The following TNFRSF19 variants were observed in gnomAD, a reference collection of about 807,000 sequenced individuals.
The protein encoded by TNFRSF19 is TNF receptor superfamily member 19.
TNFRSF19 carries 27 observed loss-of-function variants against 46.4 expected under a neutral mutation model. The ratio of observed to expected loss-of-function variants is 0.58; its 90% CI spans 0.43 to 0.80. The LOEUF is 0.80. Among genes scored for constraint, TNFRSF19 ranks in the 30% least tolerant of loss-of-function variants. The pLI is 0.00. For missense variants in TNFRSF19, 511 were observed against 530.8 expected, an observed-to-expected ratio of 0.96 and a Z score of 0.37; for synonymous variants, 204 against 205.0, an observed-to-expected ratio of 1.00 and a Z score of 0.04.
intron 3 of TNFRSF19, among the ~76,000 whole-genome samples, chr13:23,614,717 C>T (rs1881140472): frequency 7.0e-6 from 1 of 141,988 alleles, no homozygotes; most frequent in African/African-American, 2.6e-5. Context: ...GTGTGTAGTC[C>T]TTCAGCCGCT....
chr13:23,592,562 A>AT (rs1172605780), intron 2 of TNFRSF19, among the ~76,000 whole-genome samples: 2 of 152,228 alleles, frequency 1.3e-5, no homozygotes, highest in East Asian at 3.8e-4. Flanking sequence ...GAACCAAAGC[A>AT]TACTGTTAGG....
intron 4 of TNFRSF19, among the ~76,000 whole-genome samples, chr13:23,623,828 T>A (rs1881828886): frequency 6.6e-6 from 1 of 152,168 alleles, no homozygotes; most frequent in African/African-American, 2.4e-5. Context: ...TTAGGTTGAT[T>A]TTTTAATTGA....
At chr13:23,658,569 A>G (rs3794344) in intron 5 of TNFRSF19, among the ~76,000 whole-genome samples, 34,983 of 152,184 alleles carry the variant, frequency 0.23, 4,807 homozygotes, top group Non-Finnish European at 0.31. Flanking sequence ...ACTGGGGTCT[A>G]CTGTAAGGTT....
In TNFRSF19 at chr13:23,669,715, TG is replaced by T. The variant is rs1593306350; in HGVS notation, c.1245+623del. ...AGCGAGGGTGGCACCTGCAGAGAGA[TG>T]GGGGCTTTCTGCGTGCTGCAAAGCT... On this transcript the variant is annotated intron_variant, in intron 9 of 9. Transcript: ENST00000248484. 4.1e-6 allele frequency: 4 copies of T among 985,064 alleles called. No individual in the cohort carries two copies. In the African/African-American group the frequency reaches 7.0e-5, roughly 17 times the overall value. 61.0% of individuals were successfully genotyped at this position (985,064 alleles called of 1,614,324 possible).
chr13:23,645,430 G>C (rs1336386918), intron 5 of TNFRSF19, among the ~76,000 whole-genome samples: 1 of 152,118 alleles, frequency 6.6e-6, no homozygotes, highest in African/African-American at 2.4e-5. Flanking sequence ...TCAAACTCCT[G>C]GCATCAAGTG....
intron 4 of TNFRSF19, among the ~76,000 whole-genome samples, chr13:23,621,010 A>C (rs1273684877): frequency 6.6e-6 from 1 of 152,122 alleles, no homozygotes; most frequent in East Asian, 1.9e-4. Flanking sequence ...AAGGACTGGA[A>C]TTCACCTTGC....
chr13:23,614,208 C>T (rs1354013115), intron 3 of TNFRSF19, among the ~76,000 whole-genome samples: 3 of 152,144 alleles, frequency 2.0e-5, no homozygotes, highest in East Asian at 1.9e-4. Flanking sequence ...GTTGTGCACA[C>T]TCCCGATGTA....
intron 5 of TNFRSF19, among the ~76,000 whole-genome samples, chr13:23,651,683 A>G (rs999773069): frequency 4.6e-5 from 7 of 152,274 alleles, no homozygotes; most frequent in South Asian, 2.1e-4. Context: ...ATAAAATTCA[A>G]TAGCCTCCTT....
At chr13:23,651,304 T>G (rs1883611267) in intron 5 of TNFRSF19, among the ~76,000 whole-genome samples, 1 of 152,184 alleles carries the variant, frequency 6.6e-6, no homozygotes, top group Non-Finnish European at 1.5e-5. Context: ...TGAAAAATAT[T>G]TTTAAATGTC....
chr13:23,616,378 A>C (rs546715843), intron 4 of TNFRSF19, among the ~76,000 whole-genome samples: 2 of 152,340 alleles, frequency 1.3e-5, no homozygotes, highest in South Asian at 2.1e-4. Context: ...GAGGTGACCC[A>C]TGTGACTGGC....
chr13:23,665,836 A>G (rs564512737), intron 7 of TNFRSF19, among the ~76,000 whole-genome samples: 31 of 152,170 alleles, frequency 2.0e-4, no homozygotes, highest in Non-Finnish European at 4.0e-4. Flanking sequence ...TTGCCCCAGT[A>G]TTGTCTTTTG....
chr13:23,600,907 C>T (rs1880111668), intron 3 of TNFRSF19, among the ~76,000 whole-genome samples: 2 of 152,118 alleles, frequency 1.3e-5, no homozygotes, highest in Admixed American at 1.3e-4. Context: ...ACAAAGCATA[C>T]TAAAAGGCAA....
intron 3 of TNFRSF19, among the ~76,000 whole-genome samples, chr13:23,606,215 T>A (rs1880500713): frequency 6.6e-6 from 1 of 152,152 alleles, no homozygotes. Context: ...GAAGAAATAT[T>A]TTTCTCTAGA....
At chr13:23,613,572 A>T (rs1463515555) in intron 3 of TNFRSF19, among the ~76,000 whole-genome samples, 1 of 152,018 alleles carries the variant, frequency 6.6e-6, no homozygotes, top group Non-Finnish European at 1.5e-5. Context: ...GTTGTGTTTT[A>T]ACTCGTACAT....
chr13:23,580,882 C>T (rs1345249671), intron 1 of TNFRSF19, among the ~76,000 whole-genome samples: 1 of 152,206 alleles, frequency 6.6e-6, no homozygotes, highest in African/African-American at 2.4e-5. Context: ...AAATGTCTTA[C>T]CATATCTACT....
chr13:23,623,361 T>C (rs1204714958), intron 4 of TNFRSF19, among the ~76,000 whole-genome samples: 2 of 152,226 alleles, frequency 1.3e-5, no homozygotes, highest in African/African-American at 4.8e-5. Flanking sequence ...AGTGGACATT[T>C]GGGTTTCTTC....
At chr13:23,577,118 G>T (rs1216187561) in intron 1 of TNFRSF19, among the ~76,000 whole-genome samples, 2 of 152,184 alleles carry the variant, frequency 1.3e-5, no homozygotes, top group Admixed American at 1.3e-4. Flanking sequence ...AACTTAGAGA[G>T]GTTAAGTAAC....
At chr13:23,633,104 T>C (rs1278905680) in intron 5 of TNFRSF19, among the ~76,000 whole-genome samples, 1 of 143,344 alleles carries the variant, frequency 7.0e-6, no homozygotes, top group South Asian at 2.2e-4. Flanking sequence ...ATTACACTTG[T>C]TGACGTCTTT....
chr13:23,615,766 C>G (rs996953617), intron 3 of TNFRSF19, 101 bp from the exon 4 acceptor site: 3 of 1,269,114 alleles, frequency 2.4e-6, no homozygotes, highest in Non-Finnish European at 1.1e-6. Context: ...AAGGCCGACA[C>G]TTGGTAATTA....
Sources: allele counts gnomAD v4.1 joint callset (sites outside exome capture counted in the v4.1 genomes callset), GRCh38; gene constraint gnomAD v4.1.1; transcripts MANE v1.5; gene names NCBI Gene and HGNC (gene_info 2026-07-23, HGNC 2026-07-21).